NDUFAF7: variants seen among roughly 807,000 people sequenced by gnomAD.
NDUFAF7 encodes the protein protein arginine methyltransferase NDUFAF7, mitochondrial.
In NDUFAF7, 48 loss-of-function variants were observed where a neutral mutation model predicts 47.2. The observed-to-expected ratio is 1.02, with a 90% CI of 0.81 to 1.29. The LOEUF is 1.29. NDUFAF7 is among the 50% of genes most tolerant of loss of function. NDUFAF7 has a pLI of 0.00. For missense variants in NDUFAF7, 635 were observed against 537.6 expected, an observed-to-expected ratio of 1.18 and a Z score of -1.79; for synonymous variants, 217 against 190.0, an observed-to-expected ratio of 1.14 and a Z score of -1.17.
intron 7 of NDUFAF7, among the ~76,000 whole-genome samples, chr2:37,244,903 A>ATTAG (rs150728055): frequency 0.1 from 15,609 of 152,052 alleles, 1,142 homozygotes; most frequent in East Asian, 0.3. Flanking sequence ...TCTTGACCTA[A>ATTAG]TTAGTATTCA....
chr2:37,270,308 T>TA, the NDUFAF7 span, among the ~76,000 whole-genome samples: 1 of 149,238 alleles, frequency 6.7e-6, no homozygotes, highest in Non-Finnish European at 1.5e-5. Flanking sequence ...AATGAAATTT[T>TA]ACCTATTTTA....
At chr2:37,264,475 G>A in the NDUFAF7 span, among the ~76,000 whole-genome samples, 1 of 124,782 alleles carries the variant, frequency 8.0e-6, no homozygotes, top group Non-Finnish European at 1.6e-5. Context: ...GTATGAAGGT[G>A]ATAAGTGCCA....
chr2:37,267,730 C>T, the NDUFAF7 span: 14 of 505,652 alleles, frequency 2.8e-5, no homozygotes, highest in East Asian at 4.4e-4. Context: ...ATATTTGCCC[C>T]TAATAAAGTC....
downstream of NDUFAF7, among the ~76,000 whole-genome samples, chr2:37,249,563 A>G (rs907953631): frequency 9.4e-4 from 27 of 28,788 alleles, no homozygotes; most frequent in Non-Finnish European, 1.8e-3. Flanking sequence ...TGATAGACAC[A>G]CACACACACA....
downstream of NDUFAF7, chr2:37,256,974 T>A (rs779457932): frequency 6.3e-7 from 1 of 1,596,300 alleles, no homozygotes; most frequent in South Asian, 1.1e-5. Flanking sequence ...TAGTGTTATA[T>A]ATGTAACTAC....
intron 3 of NDUFAF7, among the ~76,000 whole-genome samples, chr2:37,237,537 G>C (rs927607764): frequency 6.6e-6 from 1 of 152,150 alleles, no homozygotes; most frequent in African/African-American, 2.4e-5. Context: ...AGCAGAGGCT[G>C]CCTTATTTTT....
At chr2:37,236,756 C>T (rs1338973858) in intron 3 of NDUFAF7, among the ~76,000 whole-genome samples, 8 of 146,488 alleles carry the variant, frequency 5.5e-5, no homozygotes, top group African/African-American at 2.0e-4. Context: ...ACTCCAGCCT[C>T]GGCGACTGAG....
intron 2 of NDUFAF7, among the ~76,000 whole-genome samples, chr2:37,233,887 C>G (rs570015028): frequency 4.6e-5 from 7 of 152,226 alleles, no homozygotes; most frequent in African/African-American, 1.7e-4. Flanking sequence ...CACTAACTTT[C>G]AACTGAAATT....
the NDUFAF7 span, among the ~76,000 whole-genome samples, chr2:37,260,970 G>A: frequency 6.6e-6 from 1 of 152,072 alleles, no homozygotes; most frequent in Non-Finnish European, 1.5e-5. Context: ...TTATAAAAAA[G>A]CAATTTATCT....
At chr2:37,254,143 G>C (rs1667747028), downstream of NDUFAF7, 1 of 1,265,670 alleles carries the variant, frequency 7.9e-7, no homozygotes, top group African/African-American at 1.5e-5. Flanking sequence ...CATTAGGTGG[G>C]ACAAATCAGA....
At chr2:37,263,891 G>T in the NDUFAF7 span, among the ~76,000 whole-genome samples, 1 of 151,938 alleles carries the variant, frequency 6.6e-6, no homozygotes, top group African/African-American at 2.4e-5. Flanking sequence ...TAGCTTTGGG[G>T]TAGCTTCCAA....
At chr2:37,256,362 AG>A (rs1667936373), downstream of NDUFAF7, among the ~76,000 whole-genome samples, 2 of 152,218 alleles carry the variant, frequency 1.3e-5, no homozygotes, top group South Asian at 4.1e-4. Flanking sequence ...AGTAGTGACT[AG>A]GAAGGACCAG....
At chr2:37,244,111 A>G (rs1398817054) in intron 7 of NDUFAF7, 138 bp downstream of exon 7, 8 of 742,074 alleles carry the variant, frequency 1.1e-5, no homozygotes, top group Admixed American at 2.4e-5. Flanking sequence ...TTTTATTGAC[A>G]GTGAAAGTGC....
intron 4 of NDUFAF7, 146 bp downstream of exon 4, chr2:37,238,013 C>A: frequency 1.4e-6 from 1 of 692,476 alleles, no homozygotes; most frequent in Non-Finnish European, 2.5e-6. Context: ...TGTAATCAGT[C>A]ATTACTTACT....
chr2:37,242,711 AAGTCATGTC>A lies in NDUFAF7; in HGVS notation c.681+19_681+27del, dbSNP rs1666479244. The A allele has an allele frequency of 6.4e-7, 1 of 1,555,006 alleles. No homozygotes were observed. Among genetic ancestry groups the A allele is most frequent in the South Asian group, 1.1e-5 (1 of 89,722 alleles). On this transcript the variant is annotated intron_variant, in intron 6 of 9. Transcript: ENST00000002125. The stretch of plus-strand genomic sequence containing the variant: ...AATTTCAGGTATTGAGGGGGGAAAA[AAGTCATGTC>A]TATAATTGAATACAAAAGGCATTGT...
At chr2:37,260,473 ACAGAAAGAAAG>A in the NDUFAF7 span, 1 of 1,194,072 alleles carries the variant, frequency 8.4e-7, no homozygotes, top group South Asian at 1.3e-5. Flanking sequence ...CTGAAATGGC[ACAGAAAGAAAG>A]CCTAGAGAAG....
chr2:37,260,374 T>A, the NDUFAF7 span: 11 of 1,611,146 alleles, frequency 6.8e-6, no homozygotes, highest in Admixed American at 1.3e-4. Context: ...AATCCCAGGA[T>A]GGTGCAAATT....
intron 4 of NDUFAF7, 37 bp downstream of exon 4, chr2:37,237,904 G>A (rs1665961236): frequency 7.2e-7 from 1 of 1,395,470 alleles, no homozygotes; most frequent in African/African-American, 1.4e-5. Flanking sequence ...TCTCATATAA[G>A]TGAATTTTAG....
At chr2:37,269,966 G>A in the NDUFAF7 span, among the ~76,000 whole-genome samples, 8 of 152,278 alleles carry the variant, frequency 5.3e-5, no homozygotes, top group Non-Finnish European at 8.8e-5. Context: ...GGTGGCTCAC[G>A]CCTGTAATCC....
Sources: gnomAD v4.1 joint callset for allele counts (sites outside exome capture counted in the v4.1 genomes callset) on GRCh38, gnomAD v4.1.1 for gene constraint, MANE v1.5 for transcripts, NCBI Gene and HGNC (gene_info 2026-07-23, HGNC 2026-07-21) for gene names.